DPP6: variants seen among roughly 807,000 people sequenced by gnomAD.
DPP6 encodes the protein A-type potassium channel modulatory protein DPP6.
In DPP6, 69 loss-of-function variants were observed where a neutral mutation model predicts 122.6. The ratio of observed to expected loss-of-function variants is 0.56; its 90% confidence interval spans 0.46 to 0.69. The LOEUF (loss-of-function observed/expected upper bound fraction) is 0.69, where lower values mean the gene tolerates loss of function less well. DPP6 is among the 30% of genes least tolerant of loss of function. The pLI, the probability that DPP6 is intolerant of heterozygous loss-of-function variation, is 0.00. For synonymous variants in DPP6, 418 were observed against 433.1 expected, an observed-to-expected ratio of 0.97 and a Z score of 0.43; for missense variants, 928 against 1,116.9, an observed-to-expected ratio of 0.83 and a Z score of 2.41.
At chr7:154,783,539 C>A (rs1418922611) in intron 10 of DPP6, among the ~76,000 whole-genome samples, 1 of 152,178 alleles carries the variant, frequency 6.6e-6, no homozygotes, top group African/African-American at 2.4e-5. Flanking sequence ...TTCTGCTCTC[C>A]CTCCACTTCC....
intron 3 of DPP6, among the ~76,000 whole-genome samples, chr7:154,490,322 T>A (rs2151386190): frequency 6.6e-6 from 1 of 152,210 alleles, no homozygotes; most frequent in Admixed American, 6.5e-5. Flanking sequence ...GGCTCCCTCG[T>A]GCTCTCTCAA....
chr7:154,162,383 C>T (rs935337142), intron 1 of DPP6, among the ~76,000 whole-genome samples: 2 of 152,164 alleles, frequency 1.3e-5, no homozygotes, highest in African/African-American at 4.8e-5. Flanking sequence ...ACCCACAATG[C>T]CATAGACATT....
At chr7:154,799,903 C>A (rs531213628) in intron 12 of DPP6, among the ~76,000 whole-genome samples, 50 of 152,360 alleles carry the variant, frequency 3.3e-4, no homozygotes, top group Non-Finnish European at 6.6e-4. Flanking sequence ...GACTCAGAGG[C>A]TTCACCTGTG....
At chr7:154,742,257 C>T (rs1321625195) in intron 8 of DPP6, among the ~76,000 whole-genome samples, 5 of 152,128 alleles carry the variant, frequency 3.3e-5, no homozygotes, top group South Asian at 2.1e-4. Context: ...TATTCTGCAC[C>T]GAAGCCCTCT....
chr7:153,839,886 T>G, the DPP6 span, among the ~76,000 whole-genome samples: 1 of 152,200 alleles, frequency 6.6e-6, no homozygotes, highest in Non-Finnish European at 1.5e-5. Context: ...GCTACTGGTC[T>G]TGAGGTCCAC....
intron 1 of DPP6, among the ~76,000 whole-genome samples, chr7:154,021,322 T>G (rs1485155631): frequency 6.6e-6 from 1 of 152,104 alleles, no homozygotes; most frequent in African/African-American, 2.4e-5. Context: ...GGGCCTGAGA[T>G]CTTAGAGTTT....
intron 1 of DPP6, among the ~76,000 whole-genome samples, chr7:154,076,411 A>T (rs1803556965): frequency 6.6e-6 from 1 of 151,812 alleles, no homozygotes; most frequent in African/African-American, 2.4e-5. Flanking sequence ...GATTGTGGCA[A>T]TGCACTCCAG....
At chr7:154,884,375 A>G (rs896036725) in intron 21 of DPP6, 11 of 146,790 alleles carry the variant, frequency 7.5e-5, no homozygotes, top group African/African-American at 2.9e-4. Flanking sequence ...CAAATTACAT[A>G]CACCTGCTCA....
At chr7:153,763,280 C>T in the DPP6 span, among the ~76,000 whole-genome samples, 2 of 151,620 alleles carry the variant, frequency 1.3e-5, no homozygotes, top group Middle Eastern at 3.4e-3. Context: ...TTTTTACTCT[C>T]ACTCGCCATT....
At chr7:154,733,225 T>C (rs911384058) in intron 8 of DPP6, among the ~76,000 whole-genome samples, 8 of 152,258 alleles carry the variant, frequency 5.3e-5, no homozygotes, top group African/African-American at 1.7e-4. Context: ...CTTCCAGAAC[T>C]GCTGCTGCTG....
At chr7:154,750,786 G>A (rs1455010425) in intron 8 of DPP6, among the ~76,000 whole-genome samples, 2 of 152,238 alleles carry the variant, frequency 1.3e-5, no homozygotes, top group East Asian at 1.9e-4. Context: ...GAGTTAAAGC[G>A]AGAGGGCAGG....
chr7:154,109,681 T>C (rs1806430496), intron 1 of DPP6, among the ~76,000 whole-genome samples: 1 of 152,268 alleles, frequency 6.6e-6, no homozygotes, highest in South Asian at 2.1e-4. Flanking sequence ...CATTTTTTTT[T>C]CCTCTGGTAG....
intron 2 of DPP6, among the ~76,000 whole-genome samples, chr7:154,448,341 G>A (rs1029938897): frequency 7.2e-5 from 11 of 151,824 alleles, no homozygotes; most frequent in African/African-American, 1.5e-4. Context: ...AGTTTCAAAC[G>A]GAATAAGATA....
intron 1 of DPP6, among the ~76,000 whole-genome samples, chr7:154,260,914 T>C (rs1042491742): frequency 5.3e-5 from 8 of 151,784 alleles, no homozygotes; most frequent in Admixed American, 1.3e-4. Flanking sequence ...TTTGTTTGTT[T>C]AGATGGAGTC....
At chr7:153,785,748 C>G in the DPP6 span, among the ~76,000 whole-genome samples, 5 of 152,062 alleles carry the variant, frequency 3.3e-5, no homozygotes, top group African/African-American at 1.2e-4. Flanking sequence ...CTGGTCTCAA[C>G]CAATTGTAAT....
At chr7:154,264,885 TAATGGTGATGATAATGATAGTGATAG>T (rs1803286304) in intron 1 of DPP6, among the ~76,000 whole-genome samples, 1 of 151,478 alleles carries the variant, frequency 6.6e-6, no homozygotes. Context: ...ATGATGGTGA[TAATGGTGATGATAATGATAGTGATAG>T]TGATGATGGT....
chr7:154,053,484 C>T (rs1194838252), intron 1 of DPP6, among the ~76,000 whole-genome samples: 5 of 151,090 alleles, frequency 3.3e-5, no homozygotes, highest in African/African-American at 4.9e-5. Context: ...GGCACCTTCT[C>T]TCCCTCCCAC....
At chr7:154,467,231 T>C (rs1821862998) in intron 2 of DPP6, among the ~76,000 whole-genome samples, 1 of 152,144 alleles carries the variant, frequency 6.6e-6, no homozygotes, top group Non-Finnish European at 1.5e-5. Flanking sequence ...TGTAGCTGAG[T>C]AGTTTTATAA....
At chr7:154,400,015 A>C (rs1815430260) in intron 1 of DPP6, among the ~76,000 whole-genome samples, 1 of 152,076 alleles carries the variant, frequency 6.6e-6, no homozygotes, top group African/African-American at 2.4e-5. Flanking sequence ...CCTTGGAGGG[A>C]GTGCAGGTGT....
Sources: allele counts gnomAD v4.1 joint callset (sites outside exome capture counted in the v4.1 genomes callset), GRCh38; gene constraint gnomAD v4.1.1; transcripts MANE v1.5; gene names NCBI Gene and HGNC (gene_info 2026-07-23, HGNC 2026-07-21).